Variants in TEX2 observed in about 807,000 individuals in gnomAD.
The protein encoded by TEX2 is testis expressed 2.
In TEX2, 53 loss-of-function variants were observed where a neutral mutation model predicts 106.9. That is an observed-to-expected ratio of 0.50 (90% CI 0.40 to 0.62). TEX2 has a LOEUF of 0.62. Ranked by LOEUF, TEX2 falls within the 20% of genes least tolerant of loss-of-function variation. The pLI, the probability that TEX2 is intolerant of heterozygous loss-of-function variation, is 0.00. For synonymous variants in TEX2, 523 were observed against 534.8 expected, an observed-to-expected ratio of 0.98 and a Z score of 0.30; for missense variants, 1,207 against 1,379.0, an observed-to-expected ratio of 0.88 and a Z score of 1.98.
chr17:64,198,831 C>T (rs2032562897), intron 2 of TEX2, among the ~76,000 whole-genome samples: 1 of 152,024 alleles, frequency 6.6e-6, no homozygotes, highest in South Asian at 2.1e-4. Flanking sequence ...TAACATGATA[C>T]TGGCACCAAA....
intron 1 of TEX2, among the ~76,000 whole-genome samples, chr17:64,236,625 A>C (rs1276869650): frequency 1.3e-5 from 2 of 152,234 alleles, no homozygotes; most frequent in African/African-American, 2.4e-5. Flanking sequence ...AAGCGACTTG[A>C]GCATTCTCTG....
At position 64,185,362 on chromosome 17, in the gene TEX2, C is replaced by T. The variant is rs553069208; in HGVS notation, c.2424+2806G>A. 1.1e-4 allele frequency among the ~76,000 whole-genome samples: 17 copies of T among 152,320 alleles called. No individual in the cohort carries two copies. In the South Asian group the frequency reaches 3.3e-3, roughly 30 times the overall value. ...AGAACCAGCAGCCTCCCTGGACTCA[C>T]ACCCCTGAGCAAATCTGCAGCTGAC... On this transcript the variant is annotated intron_variant, in intron 5 of 11. Coordinates refer to ENST00000584379, the MANE Select transcript of TEX2 (RefSeq NM_001288732.2). The surrounding 1 kb of genome is among the most constrained non-coding windows in gnomAD (Gnocchi z 4.0).
At chr17:64,208,335 C>G (rs1385025765) in intron 2 of TEX2, among the ~76,000 whole-genome samples, 1 of 151,732 alleles carries the variant, frequency 6.6e-6, no homozygotes, top group Non-Finnish European at 1.5e-5. Flanking sequence ...ACCCCCTGAG[C>G]TCAAGCGATC....
intron 1 of TEX2, among the ~76,000 whole-genome samples, chr17:64,241,949 G>C (rs538490625): frequency 2.0e-5 from 3 of 152,294 alleles, no homozygotes; most frequent in Non-Finnish European, 2.9e-5. Flanking sequence ...TTATTTTTGA[G>C]AACGGTACTG....
chr17:64,229,953 C>T (rs1317316004), intron 1 of TEX2, among the ~76,000 whole-genome samples: 4 of 152,122 alleles, frequency 2.6e-5, no homozygotes, highest in African/African-American at 9.7e-5. Context: ...GCCGTTTCCC[C>T]CAGTCAGAAA....
At position 64,205,838 on chromosome 17, in the gene TEX2, C is replaced by T. The variant is rs1487849195; in HGVS notation, c.1644+6736G>A. On this transcript the variant is annotated intron_variant, in intron 2 of 11. Coordinates refer to ENST00000584379, the MANE Select transcript of TEX2 (RefSeq NM_001288732.2). The surrounding 1 kb of genome is among the most constrained non-coding windows in gnomAD (Gnocchi z 4.0). ...TATAATTTTAGTCAAACTTGCAGGC[C>T]ATATCTTTAAAAAAGAGATGGATTA... 6.6e-6 allele frequency among the ~76,000 whole-genome samples: 1 copy of T among 152,028 alleles called. No homozygotes were observed. The highest frequency in any genetic ancestry group is 1.9e-4 in the East Asian group (1 of 5,190).
chr17:64,247,902 C>G (rs2034020383), intron 1 of TEX2, among the ~76,000 whole-genome samples: 1 of 152,094 alleles, frequency 6.6e-6, no homozygotes, highest in Admixed American at 6.6e-5. Context: ...ATTAAAAAAC[C>G]CAGATGTACA....
At position 64,177,381 on chromosome 17, in the gene TEX2, T is replaced by C; in HGVS notation, c.2515A>G (p.Lys839Glu). 1 of 1,614,216 alleles carries C rather than the reference T, an allele frequency of 6.2e-7. No homozygotes were observed. The highest frequency in any genetic ancestry group is 8.5e-7 in the Non-Finnish European group (1 of 1,180,026). ...GRIFWDFLGEKYWSDLVSKKI... is the reference protein window; with the variant it reads ...GRIFWDFLGEEYWSDLVSKKI... Reference sequence around the variant, plus strand: ...TTAGACACCAGATCAGACCAGTATTTCTCTCCTAAGAAGTCCCAAAATATT... The same window carrying C: ...TTAGACACCAGATCAGACCAGTATTCCTCTCCTAAGAAGTCCCAAAATATT... The change falls in exon 6 of 12, where the codon AAA (lysine) becomes GAA (glutamate). Residue 839 changes from lysine (K) to glutamate (E), a missense_variant. Around this residue, in one of 3 missense-constraint regions of TEX2, gnomAD observed 1,067 missense variants for 1,193.6 expected, o/e 0.89. Coordinates refer to ENST00000584379, the MANE Select transcript of TEX2 (RefSeq NM_001288732.2).
intron 10 of TEX2, 77 bp from the exon 11 acceptor site, chr17:64,151,038 A>C: frequency 1.3e-3 from 1,870 of 1,471,398 alleles, no homozygotes; most frequent in Non-Finnish European, 1.6e-3. Flanking sequence ...AACAGTTCTC[A>C]TTTACATGGG....
chr17:64,239,572 A>T (rs549827185), intron 1 of TEX2, among the ~76,000 whole-genome samples: 21 of 152,288 alleles, frequency 1.4e-4, no homozygotes, highest in African/African-American at 5.1e-4. Flanking sequence ...AAAGCAACTT[A>T]TTTTCTTAAG....
intron 1 of TEX2, among the ~76,000 whole-genome samples, chr17:64,215,603 T>C (rs1555632557): frequency 6.6e-6 from 1 of 152,218 alleles, no homozygotes; most frequent in Non-Finnish European, 1.5e-5. Context: ...CAGCTGACTC[T>C]GTGGGACTTT....
At position 64,246,032 on chromosome 17, in the gene TEX2, C is replaced by T. The variant is rs550967922; in HGVS notation, c.-26+17136G>A. Among the ~76,000 whole-genome samples, 4 of 152,246 alleles carry T rather than the reference C, an allele frequency of 2.6e-5. No homozygotes were observed. The South Asian group carries it at 8.3e-4, about 32-fold the overall frequency. ...TCATACGCCCACCTTCATGTGAGGA[C>T]GTGTGCTGCCAATGGTCTAAGAAGT... On this transcript the variant is annotated intron_variant, in intron 1 of 11. Transcript: ENST00000584379.
intron 1 of TEX2, among the ~76,000 whole-genome samples, chr17:64,257,951 G>A (rs782243824): frequency 2.0e-5 from 3 of 149,726 alleles, no homozygotes; most frequent in African/African-American, 2.5e-5. Context: ...TCGCTCTGTC[G>A]CCCAGGCTGG....
intron 6 of TEX2, among the ~76,000 whole-genome samples, chr17:64,173,443 A>G (rs551191267): frequency 6.6e-6 from 1 of 152,340 alleles, no homozygotes; most frequent in African/African-American, 2.4e-5. Context: ...TTTAATACCT[A>G]ACTTGGCTGG....
intron 1 of TEX2, among the ~76,000 whole-genome samples, chr17:64,219,331 C>T (rs1275314676): frequency 6.6e-6 from 1 of 151,882 alleles, no homozygotes; most frequent in Non-Finnish European, 1.5e-5. Flanking sequence ...CATGGCAAAA[C>T]CTCATCTCTA....
At chr17:64,252,088 T>C (rs1177350901) in intron 1 of TEX2, among the ~76,000 whole-genome samples, 1 of 152,138 alleles carries the variant, frequency 6.6e-6, no homozygotes, top group Non-Finnish European at 1.5e-5. Flanking sequence ...TGAGGCTGGG[T>C]GCAGAAAACC....
chr17:64,165,476 G>A (rs762518340), intron 7 of TEX2, among the ~76,000 whole-genome samples: 29 of 152,066 alleles, frequency 1.9e-4, no homozygotes, highest in African/African-American at 5.3e-4. Flanking sequence ...TTTTCTTCCC[G>A]TAGCACAGTC....
intron 4 of TEX2, 33 bp from the exon 5 acceptor site, chr17:64,188,448 A>T (rs777289942): frequency 1.2e-6 from 2 of 1,602,642 alleles, no homozygotes; most frequent in Non-Finnish European, 1.7e-6. Flanking sequence ...TATTCACACA[A>T]TGAAGAAAAC....
At chr17:64,225,749 G>A (rs189534211) in intron 1 of TEX2, among the ~76,000 whole-genome samples, 21 of 151,444 alleles carry the variant, frequency 1.4e-4, no homozygotes, top group South Asian at 2.1e-4. Flanking sequence ...ACAGAGTCTC[G>A]ATCTGTCACC....
Sources: allele counts gnomAD v4.1 joint callset (sites outside exome capture counted in the v4.1 genomes callset), GRCh38; gene constraint gnomAD v4.1.1; regional missense constraint gnomAD v4.1.1; non-coding constraint Gnocchi (gnomAD v3.1); transcripts MANE v1.5; gene names NCBI Gene and HGNC (gene_info 2026-07-23, HGNC 2026-07-21).